HS6ST3: variants seen among roughly 807,000 people sequenced by gnomAD.
The protein encoded by HS6ST3 is heparan-sulfate 6-O-sulfotransferase 3.
Under a neutral mutation model 36.7 loss-of-function variants are expected in HS6ST3, and 12 were observed. The ratio of observed to expected loss-of-function variants is 0.33; its 90% CI spans 0.21 to 0.53. The LOEUF is 0.53. Among genes scored for constraint, HS6ST3 ranks in the 20% least tolerant of loss-of-function variants. HS6ST3 has a pLI of 0.95. For synonymous variants in HS6ST3, 240 were observed against 257.5 expected (o/e 0.93, Z 0.65); for missense variants, 584 against 640.9 (o/e 0.91, Z 0.96).
chr13:96,747,800 T>C (rs1876599062), intron 1 of HS6ST3, among the ~76,000 whole-genome samples: 1 of 151,738 alleles, frequency 6.6e-6, no homozygotes, highest in Admixed American at 6.6e-5. Flanking sequence ...CAGACTGAGG[T>C]TCAGGGGAAC....
chr13:96,645,152 T>A (rs1280301661), intron 1 of HS6ST3, among the ~76,000 whole-genome samples: 1 of 151,950 alleles, frequency 6.6e-6, no homozygotes, highest in Non-Finnish European at 1.5e-5. Flanking sequence ...TGGTAAATGT[T>A]CTCACAATGC....
intron 1 of HS6ST3, among the ~76,000 whole-genome samples, chr13:96,264,707 A>T (rs1418251023): frequency 2.6e-5 from 4 of 152,112 alleles, no homozygotes; most frequent in Non-Finnish European, 5.9e-5. Context: ...AACTCTGGGG[A>T]TCTGGGGAGA....
At chr13:96,117,753 T>C (rs547514971) in intron 1 of HS6ST3, among the ~76,000 whole-genome samples, 2 of 152,122 alleles carry the variant, frequency 1.3e-5, no homozygotes, top group Admixed American at 6.5e-5. Flanking sequence ...ACTGCATGAA[T>C]CTAGAAAATG....
At chr13:96,478,062 A>G (rs2055872521) in intron 1 of HS6ST3, among the ~76,000 whole-genome samples, 1 of 152,186 alleles carries the variant, frequency 6.6e-6, no homozygotes, top group African/African-American at 2.4e-5. Context: ...ATTTGAATTA[A>G]ATATGGCTAG....
chr13:96,502,586 A>T (rs1165820125), intron 1 of HS6ST3, among the ~76,000 whole-genome samples: 1 of 152,176 alleles, frequency 6.6e-6, no homozygotes, highest in East Asian at 1.9e-4. Flanking sequence ...TGCTATAATC[A>T]TGGCCTTTCA....
intron 1 of HS6ST3, among the ~76,000 whole-genome samples, chr13:96,777,369 G>A (rs1877413893): frequency 6.6e-6 from 1 of 152,166 alleles, no homozygotes; most frequent in Non-Finnish European, 1.5e-5. Context: ...ATTCAAATAG[G>A]AAGAGAGGAA....
rs762757700 is a variant in HS6ST3, at chr13:96,169,299, T to G, written c.707+77730T>G. Among the ~76,000 whole-genome samples the G allele has an allele frequency of 3.6e-4, 54 of 152,046 alleles. 2 individuals carry two copies. Among genetic ancestry groups the G allele is most frequent in the South Asian group, 6.2e-4 (3 of 4,826 alleles). ...TTCTGGATTAGAGTGAGGCAAATACTGCCTTTTCCATGTAAACCAGAGTCC... is the reference window on the plus strand; with the variant it reads ...TTCTGGATTAGAGTGAGGCAAATACGGCCTTTTCCATGTAAACCAGAGTCC... On this transcript the variant is annotated intron_variant, in intron 1 of 1. Coordinates refer to ENST00000376705, the MANE Select transcript of HS6ST3 (RefSeq NM_153456.4).
At chr13:96,813,336 C>T (rs1258106060) in intron 1 of HS6ST3, among the ~76,000 whole-genome samples, 3 of 152,138 alleles carry the variant, frequency 2.0e-5, no homozygotes, top group Non-Finnish European at 4.4e-5. Context: ...TATCAAAGGG[C>T]CTCAACATGC....
chr13:96,093,004 T>C (rs1304895545), intron 1 of HS6ST3, among the ~76,000 whole-genome samples: 2 of 152,194 alleles, frequency 1.3e-5, no homozygotes, highest in African/African-American at 2.4e-5. Context: ...AAAACAGTTT[T>C]TCAATTAAGT....
intron 1 of HS6ST3, among the ~76,000 whole-genome samples, chr13:96,312,951 C>CAAAAA (rs754098470): frequency 2.5e-5 from 2 of 81,420 alleles, no homozygotes; most frequent in African/African-American, 9.1e-5. Context: ...GACCCTGTCT[C>CAAAAA]AAAAAAAAAA....
intron 1 of HS6ST3, among the ~76,000 whole-genome samples, chr13:96,437,481 C>T (rs1046822272): frequency 5.3e-5 from 8 of 152,220 alleles, no homozygotes; most frequent in African/African-American, 1.9e-4. Flanking sequence ...GTCTCCTCCC[C>T]ACCTTTCTGC....
intron 1 of HS6ST3, among the ~76,000 whole-genome samples, chr13:96,804,012 C>T (rs964183921): frequency 1.3e-5 from 2 of 152,096 alleles, no homozygotes; most frequent in East Asian, 3.9e-4. Flanking sequence ...TCCCATCTCT[C>T]CTTCTGACTC....
intron 1 of HS6ST3, among the ~76,000 whole-genome samples, chr13:96,660,903 C>T (rs920006341): frequency 6.6e-6 from 1 of 152,104 alleles, no homozygotes; most frequent in African/African-American, 2.4e-5. Context: ...GTGGCTAGAA[C>T]AAGCAGGTAG....
chr13:96,797,448 T>C (rs1877941181), intron 1 of HS6ST3, among the ~76,000 whole-genome samples: 1 of 152,006 alleles, frequency 6.6e-6, no homozygotes, highest in Admixed American at 6.6e-5. Flanking sequence ...GTTTGAATGA[T>C]AGAATTGCAA....
At chr13:96,430,796 A>G (rs553578103) in intron 1 of HS6ST3, among the ~76,000 whole-genome samples, 2 of 152,328 alleles carry the variant, frequency 1.3e-5, no homozygotes, top group East Asian at 3.9e-4. Flanking sequence ...GTGTCATGGT[A>G]GCCCCACTTG....
chr13:96,151,339 G>A (rs2054083813), intron 1 of HS6ST3, among the ~76,000 whole-genome samples: 1 of 151,986 alleles, frequency 6.6e-6, no homozygotes, highest in African/African-American at 2.4e-5. Context: ...GGGAGGTGGA[G>A]GTTGCAGTGA....
intron 1 of HS6ST3, among the ~76,000 whole-genome samples, chr13:96,808,869 T>C (rs1385553153): frequency 1.6e-4 from 25 of 152,178 alleles, no homozygotes; most frequent in Admixed American, 1.6e-3. Flanking sequence ...AGAAGTTAAC[T>C]TGATGCTTAA....
chr13:96,539,063 T>TC (rs1474673428), intron 1 of HS6ST3, among the ~76,000 whole-genome samples: 43 of 152,322 alleles, frequency 2.8e-4, no homozygotes, highest in Non-Finnish European at 2.1e-4. Flanking sequence ...TCCCAGGGTT[T>TC]CTCAGGGAAG....
chr13:96,674,059 C>G (rs1472864286), intron 1 of HS6ST3, among the ~76,000 whole-genome samples: 2 of 152,108 alleles, frequency 1.3e-5, no homozygotes, highest in African/African-American at 4.8e-5. Flanking sequence ...ATTTGTATCC[C>G]TACCCAATCT....
Sources: allele counts gnomAD v4.1 joint callset (sites outside exome capture counted in the v4.1 genomes callset), GRCh38; gene constraint gnomAD v4.1.1; transcripts MANE v1.5; gene names NCBI Gene and HGNC (gene_info 2026-07-23, HGNC 2026-07-21).